CDK8: variants seen among roughly 807,000 people sequenced by gnomAD.
The protein encoded by CDK8 is cyclin-dependent kinase 8.
CDK8 carries 29 observed loss-of-function variants against 71.5 expected under a neutral mutation model. That is an observed-to-expected ratio of 0.41 (90% confidence interval 0.30 to 0.55). The LOEUF (loss-of-function observed/expected upper bound fraction) is 0.55, where lower values mean the gene tolerates loss of function less well. CDK8 is among the 20% of genes least tolerant of loss of function. The pLI, the probability that CDK8 is intolerant of heterozygous loss-of-function variation, is 0.37. For synonymous variants in CDK8, 161 were observed against 192.1 expected (o/e 0.84, Z 1.34); for missense variants, 288 against 572.6 (o/e 0.50, Z 5.07).
intron 1 of CDK8, among the ~76,000 whole-genome samples, chr13:26,260,806 A>G (rs1411606163): frequency 6.6e-6 from 1 of 152,212 alleles, no homozygotes; most frequent in Non-Finnish European, 1.5e-5. Flanking sequence ...AATGTGATTC[A>G]TTTGTTAGAT....
chr13:26,374,543 T>C (rs1342478661), intron 4 of CDK8, among the ~76,000 whole-genome samples: 1 of 151,990 alleles, frequency 6.6e-6, no homozygotes, highest in African/African-American at 2.4e-5. Flanking sequence ...GAAATGTAAA[T>C]ACAAGATTTA....
intron 2 of CDK8, among the ~76,000 whole-genome samples, chr13:26,348,819 A>G (rs1352855796): frequency 6.6e-6 from 1 of 152,214 alleles, no homozygotes; most frequent in Non-Finnish European, 1.5e-5. Context: ...TTTTACCACA[A>G]TCAAAAAATT....
chr13:26,304,418 TA>T (rs1873949586), intron 1 of CDK8, among the ~76,000 whole-genome samples: 1 of 152,204 alleles, frequency 6.6e-6, no homozygotes, highest in Non-Finnish European at 1.5e-5. Flanking sequence ...TCTCCAGCTT[TA>T]TGTTTTGTCT....
intron 1 of CDK8, among the ~76,000 whole-genome samples, chr13:26,278,411 A>G (rs1425281502): frequency 6.6e-6 from 1 of 152,176 alleles, no homozygotes; most frequent in Non-Finnish European, 1.5e-5. Context: ...CTAGAAAGTA[A>G]TAGTGCTCTA....
intron 1 of CDK8, among the ~76,000 whole-genome samples, chr13:26,261,772 G>A (rs548984102): frequency 6.6e-6 from 1 of 152,344 alleles, no homozygotes; most frequent in South Asian, 2.1e-4. Context: ...AAGCAATTAT[G>A]TGTGACTTGT....
chr13:26,320,868 A>G (rs540479682), intron 1 of CDK8, among the ~76,000 whole-genome samples: 2 of 152,276 alleles, frequency 1.3e-5, no homozygotes, highest in East Asian at 3.9e-4. Context: ...CAAAAACAAA[A>G]TGACAGTTGT....
At chr13:26,277,093 CTG>C (rs1872587621) in intron 1 of CDK8, among the ~76,000 whole-genome samples, 1 of 152,216 alleles carries the variant, frequency 6.6e-6, no homozygotes, top group East Asian at 1.9e-4. Context: ...CAATGCAGCT[CTG>C]TGTGCCTATT....
Position 26,349,168 on chromosome 13 carries a change from G to T in CDK8, c.301G>T (p.Glu101Ter). 1 of 1,594,984 alleles carries T rather than the reference G, an allele frequency of 6.3e-7. No individual in the cohort carries two copies. Among genetic ancestry groups the T allele is most frequent in the South Asian group, 1.1e-5 (1 of 90,050 alleles). ...GGTGTGGCTTCTGTTTGACTATGCT[G>T]AACATGACCTCTGGGTAAGGTGAAT... ...RKVWLLFDYA[E>*]HDLWHIIKFH... Residue 101 changes from glutamate (E) to a stop codon, truncating the protein, a stop_gained, in exon 3 of 13, where the codon GAA becomes TAA. Coordinates refer to ENST00000381527, the MANE Select transcript of CDK8 (RefSeq NM_001260.3). LOFTEE classifies it high-confidence loss of function.
chr13:26,300,015 A>G (rs1873753842), intron 1 of CDK8, among the ~76,000 whole-genome samples: 1 of 152,136 alleles, frequency 6.6e-6, no homozygotes, highest in Non-Finnish European at 1.5e-5. Flanking sequence ...TTTAATAATT[A>G]TATAATTACA....
intron 1 of CDK8, among the ~76,000 whole-genome samples, chr13:26,272,849 T>C (rs868292206): frequency 6.6e-5 from 10 of 152,234 alleles, no homozygotes; most frequent in Admixed American, 5.9e-4. Flanking sequence ...TTTAATCTTA[T>C]GGGACAACCT....
intron 1 of CDK8, among the ~76,000 whole-genome samples, chr13:26,262,833 T>C (rs186388964): frequency 1.2e-3 from 189 of 152,352 alleles, no homozygotes; most frequent in African/African-American, 4.5e-3. Flanking sequence ...TTTTGTTACA[T>C]GAGTAAAAAA....
chr13:26,264,106 A>G (rs1389619529), intron 1 of CDK8, among the ~76,000 whole-genome samples: 1 of 152,210 alleles, frequency 6.6e-6, no homozygotes, highest in Non-Finnish European at 1.5e-5. Flanking sequence ...TCTTTGCAAA[A>G]ATTAAGTTTA....
intron 1 of CDK8, among the ~76,000 whole-genome samples, chr13:26,266,706 T>G (rs1872035462): frequency 6.6e-6 from 1 of 152,222 alleles, no homozygotes; most frequent in Non-Finnish European, 1.5e-5. Context: ...TCAGTGTTTT[T>G]GGTACTTTGA....
intron 6 of CDK8, among the ~76,000 whole-genome samples, chr13:26,392,834 T>A (rs1211700717): frequency 6.6e-6 from 1 of 152,216 alleles, no homozygotes; most frequent in South Asian, 2.1e-4. Flanking sequence ...TGATTAGTGC[T>A]AACATGAGAG....
In CDK8 at chr13:26,401,415, G is replaced by T. The variant is rs1293538523; in HGVS notation, c.1111-51G>T. The T allele has an allele frequency of 2.2e-5, 35 of 1,612,904 alleles. No individual in the cohort carries two copies. In the East Asian group the frequency reaches 7.6e-4, roughly 35 times the overall value. Reference sequence around the variant, plus strand: ...GCCTCCATAACATTTTCCATTGTGGGTATATTTTGTTCTCCCTCTGAGCTG... The same window carrying T: ...GCCTCCATAACATTTTCCATTGTGGTTATATTTTGTTCTCCCTCTGAGCTG... On this transcript the variant is annotated intron_variant, in intron 11 of 12. Coordinates refer to ENST00000381527, the MANE Select transcript of CDK8 (RefSeq NM_001260.3). The surrounding 1 kb of genome is among the most constrained non-coding windows in gnomAD (Gnocchi z 4.5).
At chr13:26,285,643 G>A (rs985222377) in intron 1 of CDK8, among the ~76,000 whole-genome samples, 5 of 152,128 alleles carry the variant, frequency 3.3e-5, no homozygotes, top group Admixed American at 1.3e-4. Context: ...CCCAGCCAGA[G>A]CAGTCAGACA....
chr13:26,295,504 G>C (rs993049319), intron 1 of CDK8, among the ~76,000 whole-genome samples: 5 of 152,200 alleles, frequency 3.3e-5, no homozygotes, highest in Non-Finnish European at 5.9e-5. Context: ...GCTGGGTAAT[G>C]ACAATCAGCA....
intron 4 of CDK8, among the ~76,000 whole-genome samples, chr13:26,369,364 C>T (rs890190045): frequency 7.1e-6 from 1 of 141,818 alleles, no homozygotes; most frequent in Non-Finnish European, 1.5e-5. Context: ...GTGGGAGGAT[C>T]GTTGATCCCA....
chr13:26,382,956 A>G (rs1875302368), intron 5 of CDK8, 85 bp downstream of exon 5: 4 of 757,698 alleles, frequency 5.3e-6, no homozygotes, highest in Non-Finnish European at 6.4e-6. Flanking sequence ...TTTTGCTATA[A>G]TATGCATATA....
Sources: allele counts gnomAD v4.1 joint callset (sites outside exome capture counted in the v4.1 genomes callset), GRCh38; gene constraint gnomAD v4.1.1; non-coding constraint Gnocchi (gnomAD v3.1); transcripts MANE v1.5; gene names NCBI Gene and HGNC (gene_info 2026-07-23, HGNC 2026-07-21).